The following UVRAG variants were observed in gnomAD, a reference collection of about 807,000 sequenced individuals.
UVRAG encodes UV radiation resistance-associated gene protein.
A neutral mutation model predicts 78.0 loss-of-function variants in UVRAG; 19 were observed. The ratio of observed to expected loss-of-function variants is 0.24; its 90% CI spans 0.17 to 0.36. The LOEUF is 0.36. Ranked by LOEUF, UVRAG falls within the 10% of genes least tolerant of loss-of-function variation. The pLI is 1.00. For synonymous variants in UVRAG, 323 were observed against 324.6 expected (o/e 1.00, Z 0.05); for missense variants, 740 against 853.8 (o/e 0.87, Z 1.66).
chr11:76,064,457 A>G (rs1951150809), intron 12 of UVRAG, among the ~76,000 whole-genome samples: 2 of 152,202 alleles, frequency 1.3e-5, no homozygotes, highest in African/African-American at 2.4e-5. Flanking sequence ...ATTTTTATGC[A>G]TCTCAATTTG....
rs960905201 is a variant in UVRAG at position 76,105,422 on chromosome 11, A to C, written c.1306-10502A>C. Among the ~76,000 whole-genome samples, 6 of 152,100 alleles carry C rather than the reference A, an allele frequency of 3.9e-5. No homozygotes were observed. The East Asian group carries it at 7.8e-4, about 20-fold the overall frequency. ...CTTGTCTTAAAAAAATAAAAAGCTC[A>C]ATATTATTAGTCATTAGGAACATGC... On this transcript the variant is annotated intron_variant, in intron 13 of 14. Coordinates refer to ENST00000356136, the MANE Select transcript of UVRAG (RefSeq NM_003369.4).
chr11:76,066,249 G>A (rs1951183437), intron 13 of UVRAG, among the ~76,000 whole-genome samples: 1 of 152,106 alleles, frequency 6.6e-6, no homozygotes, highest in South Asian at 2.1e-4. Flanking sequence ...GACCCTTCCA[G>A]TCTGTCTTAG....
chr11:76,142,500 T>C lies in UVRAG; in HGVS notation c.*1087T>C, dbSNP rs563565468. On this transcript the variant is annotated 3_prime_UTR_variant, in exon 15 of 15. Coordinates refer to ENST00000356136, the MANE Select transcript of UVRAG (RefSeq NM_003369.4). ...ATGAATATTAAATTATGTTTCGAAG[T>C]CCAGTTGTCATTCCCGCATTCAGAT... is the stretch of plus-strand genomic sequence containing the variant. 9.2e-5 allele frequency: 14 copies of C among 152,774 alleles called. No individual in the cohort carries two copies. The East Asian group carries it at 2.5e-3, about 27-fold the overall frequency. 9.5% of individuals were successfully genotyped at this position (152,774 alleles called of 1,614,324 possible). A position where few individuals can be genotyped will look rare whatever the true frequency, so the allele number is the denominator to read the frequency against.
chr11:76,064,158 C>T (rs1039340126), intron 12 of UVRAG, among the ~76,000 whole-genome samples: 1 of 152,184 alleles, frequency 6.6e-6, no homozygotes, highest in African/African-American at 2.4e-5. Flanking sequence ...ATGCTGATCT[C>T]AATTTACTCT....
In UVRAG at chr11:76,094,399, T is replaced by G. The variant is rs112646626; in HGVS notation, c.1306-21525T>G. Among the ~76,000 whole-genome samples, 547 of 152,340 alleles carry G rather than the reference T, an allele frequency of 3.6e-3. 1 individual carries two copies. Among genetic ancestry groups the G allele is most frequent in the South Asian group, 0.012 (60 of 4,828 alleles). ...AAATGAGTTAGGGAGGAATCCCTCT[T>G]TTTCTCTTGATTGGAATAGTTTCAG... On this transcript the variant is annotated intron_variant, in intron 13 of 14. Transcript: ENST00000356136.
At chr11:76,030,502 C>A (rs973651652) in intron 12 of UVRAG, among the ~76,000 whole-genome samples, 1 of 152,170 alleles carries the variant, frequency 6.6e-6, no homozygotes, top group Non-Finnish European at 1.5e-5. Flanking sequence ...CTTATTCTTA[C>A]AAGGAATGCA....
At chr11:75,848,575 A>G (rs1946084504) in intron 1 of UVRAG, among the ~76,000 whole-genome samples, 2 of 152,192 alleles carry the variant, frequency 1.3e-5, no homozygotes, top group African/African-American at 4.8e-5. Context: ...AATAATATCC[A>G]TGCATCTATT....
At chr11:76,127,128 CCTT>C (rs1190510778) in intron 14 of UVRAG, among the ~76,000 whole-genome samples, 1 of 152,158 alleles carries the variant, frequency 6.6e-6, no homozygotes, top group Non-Finnish European at 1.5e-5. Context: ...AGTGGGAACT[CCTT>C]AATGATAGGA....
At chr11:76,105,585 A>G (rs139523420) in intron 13 of UVRAG, among the ~76,000 whole-genome samples, 35 of 146,872 alleles carry the variant, frequency 2.4e-4, no homozygotes, top group Middle Eastern at 3.4e-3. Context: ...CTGTCTCTAC[A>G]AAAAAATACA....
In UVRAG at chr11:75,837,075, A is replaced by G. The variant is rs758006502; in HGVS notation, c.118-14808A>G. On this transcript the variant is annotated intron_variant, in intron 1 of 14. Transcript: ENST00000356136. ...CCAGGAGCGGTGGCTCACGCCTGTAATCCCAGCACTTTGGGAGGCCAAGGT... is the reference window on the plus strand; with the variant it reads ...CCAGGAGCGGTGGCTCACGCCTGTAGTCCCAGCACTTTGGGAGGCCAAGGT... 1.0e-3 allele frequency among the ~76,000 whole-genome samples: 156 copies of G among 152,182 alleles called. 3 individuals are homozygous for G. The highest frequency in any genetic ancestry group is 3.1e-4 in the Non-Finnish European group (21 of 68,034).
chr11:76,045,325 G>A (rs1950729812), intron 12 of UVRAG, among the ~76,000 whole-genome samples: 1 of 152,200 alleles, frequency 6.6e-6, no homozygotes, highest in South Asian at 2.1e-4. Context: ...AATAACCCCA[G>A]AGTGAAACCT....
chr11:76,082,585 A>G (rs964250689), intron 13 of UVRAG, among the ~76,000 whole-genome samples: 4 of 150,902 alleles, frequency 2.7e-5, no homozygotes, highest in Non-Finnish European at 5.9e-5. Flanking sequence ...TTTAAACTGT[A>G]TAACACTATT....
intron 6 of UVRAG, among the ~76,000 whole-genome samples, chr11:75,926,182 C>T (rs1312067957): frequency 6.6e-6 from 1 of 152,146 alleles, no homozygotes; most frequent in Non-Finnish European, 1.5e-5. Context: ...CCTTGTGCCT[C>T]CCCGTGGAGG....
chr11:76,109,577 G>C (rs1171764301), intron 13 of UVRAG, among the ~76,000 whole-genome samples: 1 of 152,188 alleles, frequency 6.6e-6, no homozygotes, highest in East Asian at 1.9e-4. Context: ...CACATTATAT[G>C]GTGAGAATAG....
chr11:75,974,068 C>T (rs1949180799), intron 7 of UVRAG, among the ~76,000 whole-genome samples: 2 of 152,104 alleles, frequency 1.3e-5, no homozygotes, highest in East Asian at 1.9e-4. Context: ...GGGTATATAC[C>T]CAGTAACAGG....
At chr11:75,980,682 AT>A (rs35190339) in intron 7 of UVRAG, among the ~76,000 whole-genome samples, 208 of 139,068 alleles carry the variant, frequency 1.5e-3, no homozygotes, top group Middle Eastern at 3.8e-3. Flanking sequence ...TCTGGCTAGA[AT>A]TTTTTTTTTT....
At chr11:76,064,365 C>A (rs1460889143) in intron 12 of UVRAG, among the ~76,000 whole-genome samples, 1 of 152,126 alleles carries the variant, frequency 6.6e-6, no homozygotes, top group Non-Finnish European at 1.5e-5. Flanking sequence ...TGCAGGCTAC[C>A]CCATCTGAAT....
chr11:76,004,075 G>A lies in UVRAG; in HGVS notation c.897G>A (p.Glu299=), dbSNP rs778639552. ...QKESLNELRK[E]CTAKRELFLK... is the part of the protein sequence containing the mutation. The stretch of plus-strand genomic sequence containing the variant: ...AATCCCTAAATGAGCTGAGGAAGGA[G>A]TGCACTGCAAAAAGGTAAATGCACA... The change falls in exon 9 of 15, where the codon GAG becomes GAA. Residue 299 remains glutamate (E), a synonymous_variant. Coordinates refer to ENST00000356136, the MANE Select transcript of UVRAG (RefSeq NM_003369.4). 3.7e-6 allele frequency: 6 copies of A among 1,613,888 alleles called. No individual in the cohort carries two copies. In the South Asian group the frequency reaches 6.6e-5, roughly 18 times the overall value.
chr11:76,071,162 A>C (rs938137878), intron 13 of UVRAG, among the ~76,000 whole-genome samples: 6 of 152,216 alleles, frequency 3.9e-5, no homozygotes, highest in African/African-American at 1.4e-4. Flanking sequence ...TGTGATGGAA[A>C]TTAATTAGGT....
Sources: gnomAD v4.1 joint callset for allele counts (sites outside exome capture counted in the v4.1 genomes callset) on GRCh38, gnomAD v4.1.1 for gene constraint, MANE v1.5 for transcripts, NCBI Gene and HGNC (gene_info 2026-07-23, HGNC 2026-07-21) for gene names.